CSMD1: variants seen among roughly 807,000 people sequenced by gnomAD.
CSMD1 encodes the protein CUB and Sushi multiple domains 1, also known as CUB and sushi domain-containing protein 1.
CSMD1 carries 213 observed loss-of-function variants against 417.5 expected under a neutral mutation model. That is an observed-to-expected ratio of 0.51 (90% CI 0.46 to 0.57). The LOEUF is 0.57. Ranked by LOEUF, CSMD1 falls within the 20% of genes least tolerant of loss-of-function variation. CSMD1 has a pLI of 0.00. For synonymous variants in CSMD1, 2,862 were observed against 1,736.8 expected (o/e 1.65, Z -16.11); for missense variants, 6,923 against 4,529.7 (o/e 1.53, Z -15.17).
At chr8:4,411,555 A>AT (rs1230593861) in intron 3 of CSMD1, among the ~76,000 whole-genome samples, 6 of 152,250 alleles carry the variant, frequency 3.9e-5, no homozygotes, top group African/African-American at 1.2e-4. Flanking sequence ...TCATTAATTA[A>AT]TTTTTTCTGT....
intron 8 of CSMD1, among the ~76,000 whole-genome samples, chr8:3,594,505 T>C (rs1017196434): frequency 4.6e-5 from 7 of 152,126 alleles, no homozygotes; most frequent in Admixed American, 6.5e-5. Flanking sequence ...GTTCAGACAA[T>C]TGCATATAAC....
At chr8:4,726,532 A>G (rs1284337124) in intron 1 of CSMD1, among the ~76,000 whole-genome samples, 1 of 152,130 alleles carries the variant, frequency 6.6e-6, no homozygotes, top group Non-Finnish European at 1.5e-5. Flanking sequence ...TGAGAATACA[A>G]GCAGTGCTAA....
At chr8:3,875,594 T>C (rs1351587798) in intron 5 of CSMD1, among the ~76,000 whole-genome samples, 1 of 152,022 alleles carries the variant, frequency 6.6e-6, no homozygotes, top group Non-Finnish European at 1.5e-5. Context: ...GGAGTCCCAT[T>C]GTGAGAGGAG....
Position 3,519,961 on chromosome 8 carries a change from G to A in CSMD1, c.1345-26235C>T, listed in dbSNP as rs1427593171. Among the ~76,000 whole-genome samples, 3 of 149,848 alleles carry A rather than the reference G, an allele frequency of 2.0e-5. No individual in the cohort carries two copies. The South Asian group carries it at 6.3e-4, about 32-fold the overall frequency. ...CTAATATAATTTCGCTGAAAGTCAG[G>A]CACACTTTTTTAAAACTTCTTTATC... On this transcript the variant is annotated intron_variant, in intron 10 of 69. Coordinates refer to ENST00000635120, the MANE Select transcript of CSMD1 (RefSeq NM_033225.6).
chr8:3,420,807 A>C lies in CSMD1; in HGVS notation c.1562-11202T>G, dbSNP rs575471170. Among the ~76,000 whole-genome samples, 63 of 152,296 alleles carry C rather than the reference A, an allele frequency of 4.1e-4. 1 individual carries two copies. In the South Asian group the frequency reaches 7.7e-3, roughly 19 times the overall value. ...TCACCATTCTGCGCATGGATTGAAAACATTCCTTAAACACATAAAGATGGT... is the reference window on the plus strand; with the variant it reads ...TCACCATTCTGCGCATGGATTGAAACCATTCCTTAAACACATAAAGATGGT... On this transcript the variant is annotated intron_variant, in intron 12 of 69. Coordinates refer to ENST00000635120, the MANE Select transcript of CSMD1 (RefSeq NM_033225.6).
chr8:4,418,558 A>T (rs964579175), intron 3 of CSMD1, among the ~76,000 whole-genome samples: 1 of 152,222 alleles, frequency 6.6e-6, no homozygotes, highest in East Asian at 1.9e-4. Flanking sequence ...TGGAAGCATT[A>T]TCTATTTTCT....
intron 3 of CSMD1, among the ~76,000 whole-genome samples, chr8:4,397,931 T>G (rs1475567114): frequency 6.6e-6 from 1 of 152,176 alleles, no homozygotes; most frequent in Non-Finnish European, 1.5e-5. Context: ...TTTAAAACAT[T>G]CTAGAGTAGG....
intron 7 of CSMD1, among the ~76,000 whole-genome samples, chr8:3,652,968 T>G (rs1302113759): frequency 3.9e-5 from 6 of 152,148 alleles, no homozygotes; most frequent in African/African-American, 7.2e-5. Context: ...CTGACTGCTT[T>G]CAAGTATAAT....
rs189956163 is a variant in CSMD1, at chr8:3,082,181, T to C, written c.7474+4916A>G. On this transcript the variant is annotated intron_variant, in intron 49 of 69. Transcript: ENST00000635120. ...CATATCCCTCAAACACACATTGCTA[T>C]AACCCACTAAGAATTCGTGTCTTCC... Among the ~76,000 whole-genome samples the C allele has an allele frequency of 5.3e-4, 80 of 152,358 alleles. No individual in the cohort carries two copies. The East Asian group carries it at 0.011, about 20-fold the overall frequency.
chr8:3,316,749 G>GGACTC (rs1805795842), intron 23 of CSMD1, among the ~76,000 whole-genome samples: 1 of 152,192 alleles, frequency 6.6e-6, no homozygotes, highest in South Asian at 2.1e-4. Flanking sequence ...AGACTGGAAA[G>GGACTC]GACTCGGCTG....
Position 4,648,074 on chromosome 8 carries a change from T to A in CSMD1, c.86-10516A>T, listed in dbSNP as rs556377583. On this transcript the variant is annotated intron_variant, in intron 1 of 69. Coordinates refer to ENST00000635120, the MANE Select transcript of CSMD1 (RefSeq NM_033225.6). ...CTATTTCTCCACAGTCTCACAAGCA[T>A]CTGTTGTTTCCTTACTTTTTAATAA... Among the ~76,000 whole-genome samples, 3 of 152,274 alleles carry A rather than the reference T, an allele frequency of 2.0e-5. No individual in the cohort carries two copies. In the East Asian group the frequency reaches 5.8e-4, roughly 29 times the overall value.
chr8:4,869,210 C>A (rs924170285), intron 1 of CSMD1, among the ~76,000 whole-genome samples: 2 of 151,886 alleles, frequency 1.3e-5, no homozygotes, highest in African/African-American at 4.8e-5. Context: ...TAATTTAGAA[C>A]TGTATTTTCC....
chr8:3,560,022 A>C (rs372613115), intron 10 of CSMD1, among the ~76,000 whole-genome samples: 18 of 152,236 alleles, frequency 1.2e-4, no homozygotes, highest in African/African-American at 4.3e-4. Context: ...TAAGGGATTT[A>C]GTGTGGAGGG....
chr8:3,746,342 G>C (rs1408963417), intron 6 of CSMD1, among the ~76,000 whole-genome samples: 3 of 152,182 alleles, frequency 2.0e-5, no homozygotes, highest in Non-Finnish European at 2.9e-5. Flanking sequence ...TCACTGCCAA[G>C]TATTAATCTG....
intron 2 of CSMD1, among the ~76,000 whole-genome samples, chr8:4,498,995 T>A (rs929589215): frequency 6.6e-6 from 1 of 152,058 alleles, no homozygotes; most frequent in African/African-American, 2.4e-5. Flanking sequence ...AAAAAGTAAT[T>A]GAAACATTTT....
intron 25 of CSMD1, among the ~76,000 whole-genome samples, chr8:3,306,131 C>A (rs1218019545): frequency 6.6e-6 from 1 of 152,154 alleles, no homozygotes; most frequent in African/African-American, 2.4e-5. Flanking sequence ...CACTCCACTT[C>A]ATCCCATTTT....
rs752834319 is a variant in CSMD1, at chr8:3,284,346, G to T, written c.3951C>A (p.Ser1317Arg). The T allele has an allele frequency of 1.9e-6, 3 of 1,611,796 alleles. No individual in the cohort carries two copies. The highest frequency in any genetic ancestry group is 2.5e-6 in the Non-Finnish European group (3 of 1,178,662). Residue 1317 changes from serine (S) to arginine (R), a missense_variant and splice_region_variant, in exon 26 of 70, where the codon AGC (serine) becomes AGA (arginine). Coordinates refer to ENST00000635120, the MANE Select transcript of CSMD1 (RefSeq NM_033225.6). ...CCGTGTCGAAAACAATGAAATGGAG[G>T]CTGCAAGAGAGAACACAGTAGCGCT... ...IIEADPGKTI[S>R]LHFIVFDTEM...
At chr8:4,101,888 C>A (rs1174001456) in intron 3 of CSMD1, among the ~76,000 whole-genome samples, 1 of 152,274 alleles carries the variant, frequency 6.6e-6, no homozygotes, top group South Asian at 2.1e-4. Flanking sequence ...TTGTTAACAA[C>A]TACTATCTCT....
chr8:4,553,578 T>C (rs1319751425), intron 2 of CSMD1, among the ~76,000 whole-genome samples: 2 of 152,152 alleles, frequency 1.3e-5, no homozygotes, highest in Non-Finnish European at 2.9e-5. Flanking sequence ...TTAAACATTC[T>C]AAATTAGATT....
Sources: gnomAD v4.1 joint callset for allele counts (sites outside exome capture counted in the v4.1 genomes callset) on GRCh38, gnomAD v4.1.1 for gene constraint, MANE v1.5 for transcripts, NCBI Gene and HGNC (gene_info 2026-07-23, HGNC 2026-07-21) for gene names.